The following ECE1 variants were observed in gnomAD, a reference collection of about 807,000 sequenced individuals.
ECE1 encodes endothelin converting enzyme 1.
In ECE1, 35 loss-of-function variants were observed where a neutral mutation model predicts 98.6. The ratio of observed to expected loss-of-function variants is 0.35; its 90% CI spans 0.27 to 0.47. The LOEUF is 0.47. Ranked by LOEUF, ECE1 falls within the 20% of genes least tolerant of loss-of-function variation. The pLI is 1.00. For missense variants in ECE1, 814 were observed against 1,025.3 expected (o/e 0.79, Z 2.81); for synonymous variants, 394 against 407.1 (o/e 0.97, Z 0.39).
rs1478454986 is a variant in ECE1 at position 21,304,980 on chromosome 1, G to A, written c.4-14824C>T. On this transcript the variant is annotated intron_variant, in intron 1 of 18. Coordinates refer to the ECE1 transcript ENST00000415912. ...GGTCCCATCCTTGGTCCCTGCTTAC[G>A]TTTGAGTTTGAGACCCACAGGTTAA... 2.6e-5 allele frequency among the ~76,000 whole-genome samples: 4 copies of A among 152,100 alleles called. No individual in the cohort carries two copies. In the South Asian group the frequency reaches 6.2e-4, roughly 24 times the overall value.
At chr1:21,314,893 A>G (rs1263588687) in intron 1 of ECE1, among the ~76,000 whole-genome samples, 1 of 152,220 alleles carries the variant, frequency 6.6e-6, no homozygotes, top group African/African-American at 2.4e-5. Flanking sequence ...TGTTTGACCT[A>G]TGGTCTGCTT....
At chr1:21,222,037 C>G in intron 17 of ECE1, 195 bp from the exon 18 acceptor site, 3 of 625,046 alleles carry the variant, frequency 4.8e-6, no homozygotes, top group Non-Finnish European at 8.6e-6. Context: ...ATACCTTCTA[C>G]GCACTGATGG....
rs28368038 is a variant in ECE1, at chr1:21,225,524, C to T, written c.1850-84G>A. ...GCTCCTCCCTGCTCCTGGTGAGAAG[C>T]GGTTCATCCGTCCACCCCCGTCCTC... is the stretch of plus-strand genomic sequence containing the variant. On this transcript the variant is annotated intron_variant, in intron 16 of 18. Transcript: ENST00000374893. This position sits in a 1 kb window ranked among gnomAD's most constrained non-coding sequence, Gnocchi z 5.3. 8.9e-4 allele frequency: 1,332 copies of T among 1,499,848 alleles called. 7 individuals are homozygous for T. In the African/African-American group the frequency reaches 0.013, roughly 14 times the overall value. The allele number at this position is 1,499,848 out of a possible 1,614,324, so 92.9% of individuals were successfully genotyped here.
intron 8 of ECE1, among the ~76,000 whole-genome samples, chr1:21,253,798 C>T (rs547594806): frequency 3.3e-5 from 5 of 149,624 alleles, no homozygotes; most frequent in Admixed American, 2.0e-4. Context: ...AGGCCAGGTG[C>T]GGTGGCTCAT....
At chr1:21,325,978 T>C (rs1196023144) in intron 1 of ECE1, among the ~76,000 whole-genome samples, 5 of 152,122 alleles carry the variant, frequency 3.3e-5, no homozygotes, top group African/African-American at 1.2e-4. Flanking sequence ...CCTAGCGCAG[T>C]GATTTCCACA....
At chr1:21,227,505 C>G (rs187309012) in intron 15 of ECE1, among the ~76,000 whole-genome samples, 4 of 152,186 alleles carry the variant, frequency 2.6e-5, no homozygotes, top group African/African-American at 7.2e-5. Flanking sequence ...ATTGCGAAAG[C>G]GTTAGCAATG....
intron 2 of ECE1, among the ~76,000 whole-genome samples, chr1:21,282,879 A>G (rs140117068): frequency 6.6e-6 from 1 of 152,180 alleles, no homozygotes; most frequent in African/African-American, 2.4e-5. Context: ...CTTGAGTGCT[A>G]AGGGCCTGGG....
rs144310585 is a variant in ECE1 at position 21,321,170 on chromosome 1, A to C, written c.3+24206T>G. Among the ~76,000 whole-genome samples the C allele has an allele frequency of 1.9e-4, 29 of 152,300 alleles. 1 individual carries two copies. Among genetic ancestry groups the C allele is most frequent in the African/African-American group, 6.0e-4 (25 of 41,558 alleles). On this transcript the variant is annotated intron_variant, in intron 1 of 18. Coordinates refer to the ECE1 transcript ENST00000415912. ...TAGTGCGTGGCGGAGCTGGGGACTC[A>C]AACCCAGGTTGCTCTGACTCAAAGC...
chr1:21,238,519 G>A (rs997687550), intron 10 of ECE1, among the ~76,000 whole-genome samples: 8 of 152,202 alleles, frequency 5.3e-5, no homozygotes, highest in East Asian at 3.9e-4. Context: ...CTTACAAGCC[G>A]TTTGACTGAT....
At chr1:21,221,682 T>C (rs2098167646) in intron 18 of ECE1, 65 bp downstream of exon 18, 12 of 1,554,682 alleles carry the variant, frequency 7.7e-6, no homozygotes, top group Non-Finnish European at 9.8e-6. Context: ...TTCGGCTCTC[T>C]GGGCTCTTGA....
chr1:21,321,697 C>T (rs1038966646), intron 1 of ECE1, among the ~76,000 whole-genome samples: 47 of 152,282 alleles, frequency 3.1e-4, no homozygotes, highest in African/African-American at 1.1e-3. Context: ...CTCACTGCAA[C>T]CTCTGCCTCC....
At chr1:21,229,679 A>T (rs2317113) in intron 14 of ECE1, among the ~76,000 whole-genome samples, 18,419 of 152,174 alleles carry the variant, frequency 0.12, 2,456 homozygotes, top group African/African-American at 0.33. Context: ...GTTTTTCTCA[A>T]GAGGTCAGCA....
chr1:21,221,666 T>G (rs1186230905), intron 18 of ECE1, 81 bp downstream of exon 18: 5 of 1,442,580 alleles, frequency 3.5e-6, no homozygotes, highest in Admixed American at 1.7e-5. Flanking sequence ...TGTGGGGAAC[T>G]TGCCTTTCGG....
intron 11 of ECE1, among the ~76,000 whole-genome samples, chr1:21,237,546 G>T (rs3026897): frequency 0.01 from 1,541 of 152,286 alleles, 12 homozygotes; most frequent in Non-Finnish European, 0.016. Context: ...CATCAAGATT[G>T]TAACAATAAA....
intron 8 of ECE1, among the ~76,000 whole-genome samples, chr1:21,250,710 G>A (rs212518): frequency 0.36 from 55,069 of 152,040 alleles, 10,160 homozygotes; most frequent in Non-Finnish European, 0.38. Flanking sequence ...ATAAACCCCC[G>A]CTTAACAGAT....
In ECE1 at chr1:21,236,814, C is replaced by A. The variant is rs761042440; in HGVS notation, c.1420G>T (p.Ala474Ser). The A allele has an allele frequency of 6.2e-7, 1 of 1,613,990 alleles. No homozygotes were observed. Among genetic ancestry groups the A allele is most frequent in the South Asian group, 1.1e-5 (1 of 91,066 alleles). The change falls in exon 12 of 19, where the codon GCA (alanine) becomes TCA (serine). Residue 474 changes from alanine (A) to serine (S), a missense_variant. By Grantham distance (99) the Ala-to-Ser change is moderately conservative. Coordinates refer to ENST00000374893, the MANE Select transcript of ECE1 (RefSeq NM_001397.3). ...ATEIILEIKK[A>S]FEESLSTLKW... ...AGGGTGCTCAGGCTTTCCTCAAATG[C>A]CTTCTTAATCTCCAGGATGATCTCG...
chr1:21,342,661 G>C (rs1221575319), intron 1 of ECE1, among the ~76,000 whole-genome samples: 1 of 150,396 alleles, frequency 6.6e-6, no homozygotes, highest in Non-Finnish European at 1.5e-5. Flanking sequence ...CTGCAAACGC[G>C]CCGCATTAGG....
chr1:21,279,417 C>A, intron 2 of ECE1, 85 bp from the exon 3 acceptor site: 2 of 1,607,356 alleles, frequency 1.2e-6, no homozygotes, highest in Non-Finnish European at 1.7e-6. Flanking sequence ...GCTGCAGGCC[C>A]AGGCCCTGGA....
Position 21,258,900 on chromosome 1 carries a change from T to A in ECE1, c.616-61A>T, listed in dbSNP as rs2098223347. 1 of 1,604,120 alleles carries A rather than the reference T, an allele frequency of 6.2e-7. No homozygotes were observed. Among genetic ancestry groups the A allele is most frequent in the African/African-American group, 1.3e-5 (1 of 74,720 alleles). On this transcript the variant is annotated intron_variant, in intron 5 of 18. Coordinates refer to ENST00000374893, the MANE Select transcript of ECE1 (RefSeq NM_001397.3). The surrounding 1 kb of genome is among the most constrained non-coding windows in gnomAD (Gnocchi z 4.2). ...GTGGCGGGGAGACCCAGATGTGAAT[T>A]CTGGTTCTGCCGCTGACTTGCTCTG...
Sources: allele counts gnomAD v4.1 joint callset (sites outside exome capture counted in the v4.1 genomes callset), GRCh38; gene constraint gnomAD v4.1.1; non-coding constraint Gnocchi (gnomAD v3.1); transcripts MANE v1.5; gene names NCBI Gene and HGNC (gene_info 2026-07-23, HGNC 2026-07-21).